Variants in RIPOR3 observed in about 807,000 individuals in gnomAD.
The protein encoded by RIPOR3 is family with sequence similarity 65 member C.
In RIPOR3, 95 loss-of-function variants were observed where a neutral mutation model predicts 114.3. The ratio of observed to expected loss-of-function variants is 0.83; its 90% CI spans 0.70 to 0.99. The LOEUF (loss-of-function observed/expected upper bound fraction) is 0.99, where lower values mean the gene tolerates loss of function less well. Ranked by LOEUF, RIPOR3 falls within the 50% of genes least tolerant of loss-of-function variation. RIPOR3 has a pLI of 0.00. For synonymous variants in RIPOR3, 575 were observed against 543.8 expected (o/e 1.06, Z -0.80); for missense variants, 1,252 against 1,266.9 (o/e 0.99, Z 0.18).
At chr20:50,644,384 T>C (rs1451455989) in intron 1 of RIPOR3, among the ~76,000 whole-genome samples, 1 of 152,230 alleles carries the variant, frequency 6.6e-6, no homozygotes, top group East Asian at 1.9e-4. Flanking sequence ...AATTACCACT[T>C]TAGTTTCTCA....
intron 1 of RIPOR3, among the ~76,000 whole-genome samples, chr20:50,666,651 G>A (rs1217651897): frequency 1.3e-5 from 2 of 151,014 alleles, no homozygotes; most frequent in South Asian, 2.1e-4. Context: ...TGCAACCTCT[G>A]CTGGGTTCAA....
rs779306147 is a variant in RIPOR3, at chr20:50,592,349, C to T, written c.2572G>A (p.Glu858Lys). 7 of 1,570,516 alleles carry T rather than the reference C, an allele frequency of 4.5e-6. No individual in the cohort carries two copies. Among genetic ancestry groups the T allele is most frequent in the Non-Finnish European group, 6.1e-6 (7 of 1,152,910 alleles). Reference sequence around the variant, plus strand: ...ACCTGCCCTGGACAACGTACCTTTTCCCGGAAGCTTCTGTTCCTGACTGCA... The same window carrying T: ...ACCTGCCCTGGACAACGTACCTTTTTCCGGAAGCTTCTGTTCCTGACTGCA... ...AGAVRNRSFR[E>K]KALLFYTNAL... Residue 858 changes from glutamate (E) to lysine (K), a missense_variant, in exon 19 of 22, where the codon GAA becomes AAA. Coordinates refer to ENST00000327979, the MANE Select transcript of RIPOR3 (RefSeq NM_001290268.2).
intron 1 of RIPOR3, among the ~76,000 whole-genome samples, chr20:50,679,315 A>G (rs1329664585): frequency 6.6e-6 from 1 of 150,686 alleles, no homozygotes; most frequent in Non-Finnish European, 1.5e-5. Context: ...GGCACCAAGA[A>G]GTGAAGTTTC....
chr20:50,675,319 T>C (rs1246552998), intron 1 of RIPOR3, among the ~76,000 whole-genome samples: 1 of 152,184 alleles, frequency 6.6e-6, no homozygotes, highest in Non-Finnish European at 1.5e-5. Context: ...ATTACAGCAG[T>C]CCTAGGAAGC....
intron 2 of RIPOR3, among the ~76,000 whole-genome samples, chr20:50,623,373 C>A (rs1313964533): frequency 6.6e-6 from 1 of 152,058 alleles, no homozygotes; most frequent in Non-Finnish European, 1.5e-5. Context: ...AACAGAGAAC[C>A]TGGCCCCTGC....
At chr20:50,627,017 GAA>G (rs1193955700) in intron 2 of RIPOR3, among the ~76,000 whole-genome samples, 14 of 123,028 alleles carry the variant, frequency 1.1e-4, no homozygotes, top group African/African-American at 2.5e-4. Context: ...TCCGTCTCAA[GAA>G]AAAAAAAAAA....
chr20:50,691,081 A>C (rs1438522232), intron 1 of RIPOR3, 45 bp downstream of exon 1: 3 of 1,289,296 alleles, frequency 2.3e-6, no homozygotes, highest in African/African-American at 3.0e-5. Flanking sequence ...TGTCCACACA[A>C]GGCGGCGTCA....
chr20:50,630,916 G>T, intron 1 of RIPOR3, 60 bp from the exon 2 acceptor site: 1 of 1,371,884 alleles, frequency 7.3e-7, no homozygotes, highest in Non-Finnish European at 1.0e-6. Flanking sequence ...GCCGTCCGCA[G>T]GCCAGCCACC....
chr20:50,627,615 G>A (rs1331836935), intron 2 of RIPOR3, among the ~76,000 whole-genome samples: 2 of 151,956 alleles, frequency 1.3e-5, no homozygotes, highest in African/African-American at 4.8e-5. Flanking sequence ...CCTGGGAGGC[G>A]GAGGTTGCAG....
intron 12 of RIPOR3, among the ~76,000 whole-genome samples, chr20:50,604,168 A>C (rs570149430): frequency 5.9e-5 from 9 of 151,630 alleles, no homozygotes; most frequent in Non-Finnish European, 8.8e-5. Context: ...CTGGGAGACA[A>C]GAGCGAAACT....
intron 1 of RIPOR3, among the ~76,000 whole-genome samples, chr20:50,690,148 C>T (rs2087160662): frequency 6.6e-6 from 1 of 152,230 alleles, no homozygotes; most frequent in African/African-American, 2.4e-5. Context: ...ATGTGGAAAG[C>T]GCTGTATGCG....
chr20:50,675,774 G>A (rs1472170133), intron 1 of RIPOR3, among the ~76,000 whole-genome samples: 1 of 152,258 alleles, frequency 6.6e-6, no homozygotes, highest in Non-Finnish European at 1.5e-5. Flanking sequence ...CTCGGCCCCC[G>A]GGCTGTGGAA....
At chr20:50,653,518 C>A (rs938966474) in intron 1 of RIPOR3, among the ~76,000 whole-genome samples, 8 of 151,684 alleles carry the variant, frequency 5.3e-5, no homozygotes, top group Non-Finnish European at 4.4e-5. Context: ...TCACTGCAAC[C>A]TCTGCCTCCT....
intron 1 of RIPOR3, among the ~76,000 whole-genome samples, chr20:50,633,030 G>A (rs566733303): frequency 6.3e-4 from 96 of 152,322 alleles, no homozygotes; most frequent in African/African-American, 2.2e-3. Flanking sequence ...TTGGGAGGCC[G>A]AAGCAGGCAG....
intron 2 of RIPOR3, 127 bp downstream of exon 2, chr20:50,630,609 CGG>C: frequency 1.5e-6 from 1 of 680,032 alleles, no homozygotes; most frequent in Non-Finnish European, 2.5e-6. Context: ...CTGTCTCTCT[CGG>C]GCTGCAAGCC....
At chr20:50,684,305 G>A (rs868464550) in intron 1 of RIPOR3, among the ~76,000 whole-genome samples, 1 of 152,152 alleles carries the variant, frequency 6.6e-6, no homozygotes, top group Non-Finnish European at 1.5e-5. Context: ...AGACCTGCGC[G>A]ATATGAACAA....
intron 1 of RIPOR3, among the ~76,000 whole-genome samples, chr20:50,666,056 C>T (rs1254424559): frequency 1.3e-5 from 2 of 151,278 alleles, no homozygotes; most frequent in African/African-American, 4.9e-5. Flanking sequence ...TTCGTTTTTC[C>T]ATTCAGGCCC....
chr20:50,673,972 C>G lies in RIPOR3; in HGVS notation c.3+17154G>C, dbSNP rs142516852. Among the ~76,000 whole-genome samples, 14 of 152,374 alleles carry G rather than the reference C, an allele frequency of 9.2e-5. 1 individual carries two copies. The highest frequency in any genetic ancestry group is 3.1e-4 in the African/African-American group (13 of 41,598). On this transcript the variant is annotated intron_variant, in intron 1 of 21. Coordinates refer to ENST00000327979, the MANE Select transcript of RIPOR3 (RefSeq NM_001290268.2). Reference sequence around the variant, plus strand: ...GATGTCAGGCATGAAATATACACCCCTGGCAAGCTCTGCCATGCACAGGAG... The same window carrying G: ...GATGTCAGGCATGAAATATACACCCGTGGCAAGCTCTGCCATGCACAGGAG...
chr20:50,620,589 T>C lies in RIPOR3; in HGVS notation c.123-457A>G, dbSNP rs549551791. 4.4e-4 allele frequency among the ~76,000 whole-genome samples: 67 copies of C among 152,038 alleles called. 1 individual carries two copies. Among genetic ancestry groups the C allele is most frequent in the African/African-American group, 1.5e-3 (62 of 41,482 alleles). On this transcript the variant is annotated intron_variant, in intron 2 of 21. Transcript: ENST00000327979. ...TTTCAGTGAGCCGAGATTGCATCAC[T>C]GCACTCCAACCTGGGTGACAGAGTG...
Sources: gnomAD v4.1 joint callset for allele counts (sites outside exome capture counted in the v4.1 genomes callset) on GRCh38, gnomAD v4.1.1 for gene constraint, MANE v1.5 for transcripts, NCBI Gene and HGNC (gene_info 2026-07-23, HGNC 2026-07-21) for gene names.